The following KATNBL1 variants were observed in gnomAD, a reference collection of about 807,000 sequenced individuals.
KATNBL1 encodes katanin regulatory subunit B1 like 1, also known as KATNB1-like protein 1.
A neutral mutation model predicts 44.7 loss-of-function variants in KATNBL1; 28 were observed. That is an observed-to-expected ratio of 0.63 (90% CI 0.46 to 0.86). The LOEUF is 0.86. KATNBL1 is among the 40% of genes least tolerant of loss of function. The probability of loss-of-function intolerance (pLI) is 0.00; values close to 1 mark genes in which losing one functional copy is unlikely to be tolerated. For missense variants in KATNBL1, 272 were observed against 350.7 expected, an observed-to-expected ratio of 0.78 and a Z score of 1.79; for synonymous variants, 78 against 114.9, an observed-to-expected ratio of 0.68 and a Z score of 2.06.
In KATNBL1 at chr15:34,141,505, C is replaced by G. The variant is rs1194933313; in HGVS notation, c.*834G>C. Reference sequence around the variant, plus strand: ...AAAAGTAAATATAAATTAGCCAAGTCCATGGACATTTCCAGTTAAACATTC... The same window carrying G: ...AAAAGTAAATATAAATTAGCCAAGTGCATGGACATTTCCAGTTAAACATTC... On this transcript the variant is annotated 3_prime_UTR_variant, in exon 10 of 10. Transcript: ENST00000256544. The G allele has an allele frequency of 6.6e-6, 1 of 152,476 alleles. No individual in the cohort carries two copies. The highest frequency in any genetic ancestry group is 1.5e-5 in the Non-Finnish European group (1 of 67,962). The allele number at this position is 152,476 out of a possible 1,614,324, so 9.4% of individuals were successfully genotyped here.
rs777921653 is a variant in KATNBL1, at chr15:34,147,253, G to C, written c.645C>G (p.Cys215Trp). Reference sequence around the variant, plus strand: ...TTACTAGAGGCAACAAGTCAACACAGCAGCCAAGTGAGATATATTGTTTTT... The same window carrying C: ...TTACTAGAGGCAACAAGTCAACACACCAGCCAAGTGAGATATATTGTTTTT... ...QEEKQYISLG[C>W]CVDLLPLVKS... The change falls in exon 7 of 10, where the codon TGC (cysteine) becomes TGG (tryptophan). Residue 215 changes from cysteine (C) to tryptophan (W), a missense_variant. By Grantham distance (215) the Cys-to-Trp change is radical. This residue lies in a region of KATNBL1 where 111 missense variants were observed against 149.3 expected (regional missense o/e 0.74). Coordinates refer to ENST00000256544, the MANE Select transcript of KATNBL1 (RefSeq NM_024713.3). 52 of 1,612,632 alleles carry C rather than the reference G, an allele frequency of 3.2e-5. No homozygotes were observed. Among genetic ancestry groups the C allele is most frequent in the Non-Finnish European group, 1.7e-6 (2 of 1,179,200 alleles).
At chr15:34,187,447 C>T (rs1889749058) in intron 1 of KATNBL1, among the ~76,000 whole-genome samples, 3 of 152,192 alleles carry the variant, frequency 2.0e-5, no homozygotes, top group Admixed American at 2.0e-4. Context: ...GGCACTGCAG[C>T]CACAGAGGTT....
intron 1 of KATNBL1, chr15:34,178,008 C>T (rs1196165587): frequency 6.6e-6 from 1 of 152,058 alleles, no homozygotes; most frequent in African/African-American, 2.4e-5. Flanking sequence ...CACTATAATA[C>T]AATACATAAA....
At chr15:34,151,256 T>C (rs1447368835) in intron 4 of KATNBL1, among the ~76,000 whole-genome samples, 2 of 152,124 alleles carry the variant, frequency 1.3e-5, no homozygotes, top group African/African-American at 4.8e-5. Context: ...CTATTATTTT[T>C]TGACTTTTTA....
chr15:34,163,612 A>G lies in KATNBL1; in HGVS notation c.65T>C (p.Ile22Thr). ...NFCNKIEDHF[I>T]DLPRKKISNF... is the part of the protein sequence containing the mutation. ...AGAGATCTTTTTTCTAGGAAGATCA[A>G]TGAAATGATCCTCAATCTTATTACA... Residue 22 changes from isoleucine (I) to threonine (T), a missense_variant, in exon 2 of 10, where the codon ATT becomes ACT. This residue lies in a region of KATNBL1 where 122 missense variants were observed against 125.0 expected (regional missense o/e 0.98). Transcript: ENST00000256544. 1.2e-6 allele frequency: 2 copies of G among 1,600,174 alleles called. No individual in the cohort carries two copies. Among genetic ancestry groups the G allele is most frequent in the Non-Finnish European group, 1.7e-6 (2 of 1,176,372 alleles).
At chr15:34,154,427 G>A (rs1888574889) in intron 3 of KATNBL1, among the ~76,000 whole-genome samples, 1 of 152,132 alleles carries the variant, frequency 6.6e-6, no homozygotes, top group Non-Finnish European at 1.5e-5. Context: ...TCAACTGTTA[G>A]GGTTAATGTT....
intron 1 of KATNBL1, among the ~76,000 whole-genome samples, chr15:34,175,131 C>T (rs1285207339): frequency 1.3e-5 from 2 of 151,336 alleles, no homozygotes; most frequent in African/African-American, 2.4e-5. Context: ...CACACACACA[C>T]ACACACACAC....
At chr15:34,204,243 T>C (rs1269831582) in intron 1 of KATNBL1, among the ~76,000 whole-genome samples, 1 of 152,170 alleles carries the variant, frequency 6.6e-6, no homozygotes, top group African/African-American at 2.4e-5. Context: ...GTGCTGTTTG[T>C]TACTACAAAA....
intron 1 of KATNBL1, among the ~76,000 whole-genome samples, chr15:34,198,587 A>G (rs74007706): frequency 6.6e-6 from 1 of 152,214 alleles, no homozygotes; most frequent in African/African-American, 2.4e-5. Context: ...TGTAAAATTT[A>G]TTTCCATAAC....
rs1888328557 is a variant in KATNBL1 at position 34,146,963 on chromosome 15, T to C, written c.699-113A>G. ...ACACACACATTGGTCCCTTCCCTTT[T>C]AAAAAATTGTTACCTTCATGATCTA... On this transcript the variant is annotated intron_variant, in intron 7 of 9. Coordinates refer to ENST00000256544, the MANE Select transcript of KATNBL1 (RefSeq NM_024713.3). 8.5e-6 allele frequency: 6 copies of C among 708,648 alleles called. No individual in the cohort carries two copies. In the South Asian group the frequency reaches 8.8e-5, roughly 10 times the overall value. 43.9% of individuals were successfully genotyped at this position (708,648 alleles called of 1,614,324 possible). A position where few individuals can be genotyped will look rare whatever the true frequency, so the allele number is the denominator to read the frequency against.
At chr15:34,193,377 T>C (rs535092217) in intron 1 of KATNBL1, among the ~76,000 whole-genome samples, 123 of 151,374 alleles carry the variant, frequency 8.1e-4, no homozygotes, top group African/African-American at 1.9e-3. Flanking sequence ...CTACTAAAAA[T>C]ACAAAAATTA....
intron 9 of KATNBL1, chr15:34,142,621 T>G (rs1253326581): frequency 7.7e-6 from 3 of 387,864 alleles, no homozygotes; most frequent in Non-Finnish European, 1.4e-5. Context: ...ACAACTCTGC[T>G]TTCATAGCTA....
chr15:34,143,301 C>T (rs1458392099), intron 9 of KATNBL1, among the ~76,000 whole-genome samples: 1 of 151,704 alleles, frequency 6.6e-6, no homozygotes, highest in Admixed American at 6.6e-5. Context: ...GTGGTGAAAT[C>T]CCGTCTCCAC....
chr15:34,148,433 T>A (rs541823798), intron 5 of KATNBL1, 199 bp downstream of exon 5: 206 of 372,864 alleles, frequency 5.5e-4, no homozygotes, highest in Non-Finnish European at 7.2e-4. Flanking sequence ...AAAATTTTTT[T>A]AAAAAATAGC....
At chr15:34,145,046 A>C in intron 9 of KATNBL1, 1 of 1,000,514 alleles carries the variant, frequency 1.0e-6, no homozygotes, top group Non-Finnish European at 1.2e-6. Context: ...CCATTTAATT[A>C]TGTTTCTTAT....
At chr15:34,206,241 T>C (rs1382164707) in intron 1 of KATNBL1, among the ~76,000 whole-genome samples, 2 of 152,020 alleles carry the variant, frequency 1.3e-5, no homozygotes, top group African/African-American at 2.4e-5. Flanking sequence ...AGGTGGTAGG[T>C]TTCTGGGTGA....
In KATNBL1 at chr15:34,165,201, T is replaced by C. The variant is rs149565631; in HGVS notation, c.-14-1511A>G. Among the ~76,000 whole-genome samples, 392 of 152,314 alleles carry C rather than the reference T, an allele frequency of 2.6e-3. 1 individual carries two copies. The highest frequency in any genetic ancestry group is 8.2e-3 in the African/African-American group (343 of 41,576). The stretch of plus-strand genomic sequence containing the variant: ...AAAGGCGTGAAGCAACACGGTTTGT[T>C]TGGCAATCTCTTAAGTAGACACTTG... On this transcript the variant is annotated intron_variant, in intron 1 of 9. Coordinates refer to ENST00000256544, the MANE Select transcript of KATNBL1 (RefSeq NM_024713.3).
chr15:34,190,352 A>T (rs775745300), intron 1 of KATNBL1, among the ~76,000 whole-genome samples: 10 of 152,246 alleles, frequency 6.6e-5, no homozygotes, highest in Admixed American at 1.3e-4. Flanking sequence ...AGATTACTAA[A>T]CAGGTTACTA....
chr15:34,184,553 A>ACT (rs900486958), intron 1 of KATNBL1, among the ~76,000 whole-genome samples: 3 of 138,578 alleles, frequency 2.2e-5, no homozygotes, highest in African/African-American at 8.0e-5. Context: ...TGGTATTAAT[A>ACT]CTTCCTGTCT....
Sources: allele counts gnomAD v4.1 joint callset (sites outside exome capture counted in the v4.1 genomes callset), GRCh38; gene constraint gnomAD v4.1.1; regional missense constraint gnomAD v4.1.1; transcripts MANE v1.5; gene names NCBI Gene and HGNC (gene_info 2026-07-23, HGNC 2026-07-21).